TSPAN18: variants seen among roughly 807,000 people sequenced by gnomAD.
TSPAN18 encodes the protein tetraspanin-18.
In TSPAN18, 14 loss-of-function variants were observed where a neutral mutation model predicts 27.3. The ratio of observed to expected loss-of-function variants is 0.51; its 90% CI spans 0.34 to 0.80. The LOEUF is 0.80. Among genes scored for constraint, TSPAN18 ranks in the 30% least tolerant of loss-of-function variants. The probability of loss-of-function intolerance (pLI) is 0.01; values close to 1 mark genes in which losing one functional copy is unlikely to be tolerated. For missense variants in TSPAN18, 268 were observed against 323.9 expected, an observed-to-expected ratio of 0.83 and a Z score of 1.32; for synonymous variants, 143 against 136.5, an observed-to-expected ratio of 1.05 and a Z score of -0.33.
At chr11:44,840,718 C>G (rs894507204) in intron 2 of TSPAN18, among the ~76,000 whole-genome samples, 1 of 152,210 alleles carries the variant, frequency 6.6e-6, no homozygotes, top group Non-Finnish European at 1.5e-5. Flanking sequence ...GATCATGACA[C>G]AGCTTGCATT....
chr11:44,807,192 TAAAAAAAAAAAAAAAAAAAAAA>T (rs1046665098), intron 2 of TSPAN18, among the ~76,000 whole-genome samples: 18 of 67,336 alleles, frequency 2.7e-4, no homozygotes, highest in African/African-American at 1.1e-3. Flanking sequence ...CCCTGTCTCT[TAAAAAAAAAAAAAAAAAAAAAA>T]AAAAAAAAAA....
At chr11:44,731,463 G>A (rs1379648652) in intron 1 of TSPAN18, among the ~76,000 whole-genome samples, 2 of 152,116 alleles carry the variant, frequency 1.3e-5, no homozygotes, top group Non-Finnish European at 2.9e-5. Flanking sequence ...AAAACATTTA[G>A]CATAATGCCT....
At chr11:44,909,971 G>T (rs1859648461) in intron 5 of TSPAN18, 72 bp downstream of exon 5, 1 of 1,505,808 alleles carries the variant, frequency 6.6e-7, no homozygotes, top group African/African-American at 1.4e-5. Flanking sequence ...AGACTCCCAG[G>T]CCCTGCCTGG....
chr11:44,781,170 G>A (rs796652319), intron 2 of TSPAN18, among the ~76,000 whole-genome samples: 4 of 152,348 alleles, frequency 2.6e-5, no homozygotes, highest in African/African-American at 9.6e-5. Flanking sequence ...CCCATGTGTA[G>A]AGTAGAGATA....
intron 8 of TSPAN18, among the ~76,000 whole-genome samples, chr11:44,921,086 C>A (rs1411146712): frequency 6.6e-6 from 1 of 152,186 alleles, no homozygotes; most frequent in Non-Finnish European, 1.5e-5. Context: ...CTGGCCCTGG[C>A]ACATCCCCAT....
At chr11:44,890,307 C>T (rs1858801943) in intron 3 of TSPAN18, among the ~76,000 whole-genome samples, 1 of 152,364 alleles carries the variant, frequency 6.6e-6, no homozygotes, top group Admixed American at 6.5e-5. Context: ...TTTAACGTTT[C>T]ACTGAAAATG....
At chr11:44,761,305 C>T (rs966610036) in intron 1 of TSPAN18, among the ~76,000 whole-genome samples, 5 of 152,314 alleles carry the variant, frequency 3.3e-5, no homozygotes, top group Middle Eastern at 3.4e-3. Context: ...CCCGTTCCTG[C>T]TCTTAGCCCT....
rs74235689 is a variant in TSPAN18, at chr11:44,864,478, G to A, written c.-11+4009G>A. On this transcript the variant is annotated intron_variant, in intron 3 of 9. Transcript: ENST00000520358. ...GGGGTCCTATTGGATAGGATGCTCA[G>A]GGTCCCTGCTCTCGGCAGCTCAGGT... is the stretch of plus-strand genomic sequence containing the variant. Among the ~76,000 whole-genome samples the A allele has an allele frequency of 2.0e-3, 307 of 152,232 alleles. 8 individuals are homozygous for A. The East Asian group carries it at 0.052, about 26-fold the overall frequency.
chr11:44,792,576 G>A (rs1159276338), intron 2 of TSPAN18, among the ~76,000 whole-genome samples: 14 of 152,192 alleles, frequency 9.2e-5, no homozygotes, highest in Admixed American at 8.5e-4. Context: ...CAGACCTTGC[G>A]CAGGGCGGTG....
At chr11:44,925,853 A>G (rs12223280) in intron 8 of TSPAN18, 42,426 of 152,026 alleles carry the variant, frequency 0.28, 8,555 homozygotes, top group African/African-American at 0.57. Context: ...GAGAGTTATG[A>G]ACATGAAAAT....
Position 44,874,640 on chromosome 11 carries a change from G to A in TSPAN18, c.-11+14171G>A, listed in dbSNP as rs145645817. Among the ~76,000 whole-genome samples the A allele has an allele frequency of 2.1e-3, 325 of 152,338 alleles. 2 individuals carry two copies. Among genetic ancestry groups the A allele is most frequent in the African/African-American group, 7.5e-3 (312 of 41,584 alleles). On this transcript the variant is annotated intron_variant, in intron 3 of 9. Coordinates refer to ENST00000520358, the MANE Select transcript of TSPAN18 (RefSeq NM_130783.5). ...ACACCCCAGGGAGAAAGAGGAAAAT[G>A]GTGAGATGGGAACCAGCCGGAGAAC...
chr11:44,891,718 C>T (rs1044103109), intron 3 of TSPAN18, among the ~76,000 whole-genome samples: 2 of 152,106 alleles, frequency 1.3e-5, no homozygotes, highest in African/African-American at 4.8e-5. Flanking sequence ...GACACAGGGA[C>T]GCTTTGGAGC....
At position 44,777,625 on chromosome 11, in the gene TSPAN18, G is replaced by T. The variant is rs189859777; in HGVS notation, c.-153+13113G>T. Among the ~76,000 whole-genome samples the T allele has an allele frequency of 2.1e-3, 323 of 152,272 alleles. 1 individual carries two copies. The highest frequency in any genetic ancestry group is 5.1e-3 in the African/African-American group (211 of 41,544). ...TTTGTCTTTAATGGGAAGGCTGAGA[G>T]AAATTGCATGGTTTGTGAATATTTA... On this transcript the variant is annotated intron_variant, in intron 2 of 9. Transcript: ENST00000520358.
chr11:44,807,346 T>C (rs2135087186), intron 2 of TSPAN18, among the ~76,000 whole-genome samples: 1 of 149,284 alleles, frequency 6.7e-6, no homozygotes, highest in South Asian at 2.1e-4. Flanking sequence ...CTGACTGACA[T>C]GGTGAAACCC....
intron 2 of TSPAN18, among the ~76,000 whole-genome samples, chr11:44,795,483 A>G (rs556429366): frequency 6.6e-6 from 1 of 152,186 alleles, no homozygotes; most frequent in East Asian, 1.9e-4. Flanking sequence ...CACTCATCCA[A>G]GCAGTAGGGC....
At chr11:44,784,076 G>A (rs1412700668) in intron 2 of TSPAN18, among the ~76,000 whole-genome samples, 1 of 152,108 alleles carries the variant, frequency 6.6e-6, no homozygotes, top group African/African-American at 2.4e-5. Context: ...TTCTTGACTT[G>A]GGGGTAAAAA....
chr11:44,762,430 C>A (rs527388109), intron 1 of TSPAN18, among the ~76,000 whole-genome samples: 7 of 152,302 alleles, frequency 4.6e-5, no homozygotes, highest in African/African-American at 1.7e-4. Context: ...TGCTTACACA[C>A]ACATGCATAC....
chr11:44,922,610 G>A (rs1315978077), intron 8 of TSPAN18, among the ~76,000 whole-genome samples: 1 of 152,156 alleles, frequency 6.6e-6, no homozygotes, highest in East Asian at 1.9e-4. Flanking sequence ...TTTTATACTG[G>A]TGCCAGTGAG....
chr11:44,907,861 C>T (rs1479520270), intron 4 of TSPAN18, among the ~76,000 whole-genome samples: 1 of 151,984 alleles, frequency 6.6e-6, no homozygotes, highest in Non-Finnish European at 1.5e-5. Context: ...TCGAGACCAA[C>T]CTGGCCAACA....
Sources: gnomAD v4.1 joint callset for allele counts (sites outside exome capture counted in the v4.1 genomes callset) on GRCh38, gnomAD v4.1.1 for gene constraint, MANE v1.5 for transcripts, NCBI Gene and HGNC (gene_info 2026-07-23, HGNC 2026-07-21) for gene names.